ZNF148: variants seen among roughly 807,000 people sequenced by gnomAD.
ZNF148 encodes zinc finger protein 148.
In ZNF148, 7 loss-of-function variants were observed where a neutral mutation model predicts 67.7. The ratio of observed to expected loss-of-function variants is 0.10; its 90% CI spans 0.06 to 0.19. The LOEUF (loss-of-function observed/expected upper bound fraction) is 0.19, where lower values mean the gene tolerates loss of function less well. Among genes scored for constraint, ZNF148 ranks in the 10% least tolerant of loss-of-function variants. The probability of loss-of-function intolerance (pLI) is 1.00; values close to 1 mark genes in which losing one functional copy is unlikely to be tolerated. For synonymous variants in ZNF148, 333 were observed against 330.7 expected, an observed-to-expected ratio of 1.01 and a Z score of -0.08; for missense variants, 583 against 947.1, an observed-to-expected ratio of 0.62 and a Z score of 5.05.
chr3:125,373,209 C>T (rs1366598592), intron 1 of ZNF148, among the ~76,000 whole-genome samples: 1 of 150,992 alleles, frequency 6.6e-6, no homozygotes, highest in Non-Finnish European at 1.5e-5. Flanking sequence ...CTTTGAGAGG[C>T]CAAGGCGGGC....
At chr3:125,305,378 T>C (rs1939817811) in intron 4 of ZNF148, among the ~76,000 whole-genome samples, 2 of 152,184 alleles carry the variant, frequency 1.3e-5, no homozygotes, top group Non-Finnish European at 2.9e-5. Flanking sequence ...TAACAAAAAC[T>C]GAAGAACATG....
intron 1 of ZNF148, among the ~76,000 whole-genome samples, chr3:125,368,747 C>A (rs1467839399): frequency 1.3e-5 from 2 of 152,014 alleles, no homozygotes; most frequent in African/African-American, 2.4e-5. Flanking sequence ...GAGTTCGACA[C>A]CAGCCTGGCC....
At chr3:125,307,478 A>G (rs893819632) in intron 4 of ZNF148, among the ~76,000 whole-genome samples, 1 of 151,726 alleles carries the variant, frequency 6.6e-6, no homozygotes, top group African/African-American at 2.4e-5. Flanking sequence ...AATTTTTTGT[A>G]TTTTTTTAGT....
chr3:125,375,033 C>A (rs1354486619), intron 1 of ZNF148, 69 bp downstream of exon 1: 4 of 151,644 alleles, frequency 2.6e-5, no homozygotes, highest in Non-Finnish European at 4.4e-5. Flanking sequence ...GCGCGCTCCC[C>A]CCGCGCGCCG....
At chr3:125,299,981 G>A (rs546447652) in intron 4 of ZNF148, among the ~76,000 whole-genome samples, 27 of 152,038 alleles carry the variant, frequency 1.8e-4, no homozygotes, top group Non-Finnish European at 3.4e-4. Context: ...TTTTGTTGTT[G>A]TTGTTTCTGA....
intron 1 of ZNF148, among the ~76,000 whole-genome samples, chr3:125,348,393 A>T (rs765289220): frequency 6.6e-6 from 1 of 150,712 alleles, no homozygotes; most frequent in Non-Finnish European, 1.5e-5. Flanking sequence ...AGACAGGAGG[A>T]TCACTCGGGC....
intron 1 of ZNF148, among the ~76,000 whole-genome samples, chr3:125,335,281 C>G (rs781218720): frequency 3.3e-5 from 5 of 152,082 alleles, no homozygotes; most frequent in Non-Finnish European, 5.9e-5. Flanking sequence ...ATTAGTAAAG[C>G]TGGAATTTCC....
intron 1 of ZNF148, among the ~76,000 whole-genome samples, chr3:125,357,505 C>T (rs1942396078): frequency 6.6e-6 from 1 of 152,346 alleles, no homozygotes; most frequent in Non-Finnish European, 1.5e-5. Context: ...CGCCCACTCG[C>T]CCAGCCACGG....
At chr3:125,247,724 C>A (rs987401799) in intron 7 of ZNF148, among the ~76,000 whole-genome samples, 3 of 152,140 alleles carry the variant, frequency 2.0e-5, no homozygotes, top group African/African-American at 4.8e-5. Context: ...CATGTGTGAG[C>A]CACCATGACT....
At chr3:125,308,467 T>A (rs1940010993) in intron 4 of ZNF148, among the ~76,000 whole-genome samples, 1 of 150,802 alleles carries the variant, frequency 6.6e-6, no homozygotes, top group Admixed American at 6.6e-5. Flanking sequence ...TGTTGGTTTG[T>A]CAGTCAAGTC....
chr3:125,241,826 C>T (rs1404542749), intron 7 of ZNF148, among the ~76,000 whole-genome samples: 1 of 152,202 alleles, frequency 6.6e-6, no homozygotes, highest in Non-Finnish European at 1.5e-5. Flanking sequence ...AAATGTATTA[C>T]TAAACTGGTC....
At chr3:125,236,050 G>GT (rs1465798972) in intron 7 of ZNF148, among the ~76,000 whole-genome samples, 1 of 151,208 alleles carries the variant, frequency 6.6e-6, no homozygotes, top group Non-Finnish European at 1.5e-5. Context: ...GTATACATAT[G>GT]TAACAAACCT....
chr3:125,243,269 T>G (rs966364954), intron 7 of ZNF148, among the ~76,000 whole-genome samples: 6 of 152,230 alleles, frequency 3.9e-5, no homozygotes, highest in Non-Finnish European at 8.8e-5. Flanking sequence ...TGTTTTCTTC[T>G]GTTATATCTT....
At position 125,232,276 on chromosome 3, in the gene ZNF148, G is replaced by T; in HGVS notation, c.*65C>A. 1 of 1,510,394 alleles carries T rather than the reference G, an allele frequency of 6.6e-7. No individual in the cohort carries two copies. The highest frequency in any genetic ancestry group is 1.3e-5 in the South Asian group (1 of 76,240). 93.6% of individuals were successfully genotyped at this position (1,510,394 alleles called of 1,614,324 possible). A position where few individuals can be genotyped will look rare whatever the true frequency, so the allele number is the denominator to read the frequency against. On this transcript the variant is annotated 3_prime_UTR_variant, in exon 9 of 9. Transcript: ENST00000360647. The surrounding 1 kb of genome is among the most constrained non-coding windows in gnomAD (Gnocchi z 4.2). ...ATCTGTACAGCACTCCATTTACACA[G>T]AGTAACCCCACTCTTGATTAATCTG... is the stretch of plus-strand genomic sequence containing the variant.
At chr3:125,287,663 T>C (rs533702509) in intron 5 of ZNF148, among the ~76,000 whole-genome samples, 1 of 152,262 alleles carries the variant, frequency 6.6e-6, no homozygotes, top group South Asian at 2.1e-4. Context: ...AAATATTTAC[T>C]GAGGATCTAT....
At chr3:125,365,350 T>C (rs371133314) in intron 1 of ZNF148, among the ~76,000 whole-genome samples, 1 of 152,302 alleles carries the variant, frequency 6.6e-6, no homozygotes, top group South Asian at 2.1e-4. Flanking sequence ...CACCCATCAC[T>C]GCTTCTACTC....
At chr3:125,280,256 A>C (rs937772545) in intron 5 of ZNF148, among the ~76,000 whole-genome samples, 1 of 152,144 alleles carries the variant, frequency 6.6e-6, no homozygotes, top group Non-Finnish European at 1.5e-5. Context: ...GACAAGAGAC[A>C]AAGCAACCTT....
chr3:125,250,178 A>C (rs4679161), intron 7 of ZNF148, among the ~76,000 whole-genome samples: 118,247 of 152,176 alleles, frequency 0.78, 46,551 homozygotes, highest in African/African-American at 0.87. Flanking sequence ...CACAAAAGAT[A>C]GTTATGTGAA....
intron 3 of ZNF148, among the ~76,000 whole-genome samples, chr3:125,317,658 T>TAG (rs796905351): frequency 0.2 from 5,570 of 27,922 alleles, 176 homozygotes; most frequent in Admixed American, 0.28. Context: ...TATATATATA[T>TAG]ATATAGAGAG....
Sources: allele counts gnomAD v4.1 joint callset (sites outside exome capture counted in the v4.1 genomes callset), GRCh38; gene constraint gnomAD v4.1.1; non-coding constraint Gnocchi (gnomAD v3.1); transcripts MANE v1.5; gene names NCBI Gene and HGNC (gene_info 2026-07-23, HGNC 2026-07-21).